The following TYR variants were observed in gnomAD, a reference collection of about 807,000 sequenced individuals.
TYR encodes LB24-AB.
In TYR, 58 loss-of-function variants were observed where a neutral mutation model predicts 51.5. That is an observed-to-expected ratio of 1.13 (90% CI 0.91 to 1.40). The LOEUF (loss-of-function observed/expected upper bound fraction) is 1.40, where lower values mean the gene tolerates loss of function less well. TYR is among the 40% of genes most tolerant of loss of function. The pLI is 0.00. For missense variants in TYR, 732 were observed against 647.4 expected (o/e 1.13, Z -1.42); for synonymous variants, 263 against 235.2 (o/e 1.12, Z -1.08).
At chr11:89,295,034 G>A in intron 4 of TYR, 109 bp from the exon 5 acceptor site, 2 of 1,530,824 alleles carry the variant, frequency 1.3e-6, no homozygotes, top group Middle Eastern at 2.3e-4. Context: ...TAGTAGAGCT[G>A]GCCTTCAAAC....
intron 3 of TYR, among the ~76,000 whole-genome samples, chr11:89,248,666 T>G (rs1013194902): frequency 3.9e-5 from 6 of 152,190 alleles, no homozygotes; most frequent in African/African-American, 1.4e-4. Flanking sequence ...GTTTAAATTA[T>G]TTTAATCCAG....
chr11:89,215,503 A>G (rs1343134572), intron 2 of TYR, among the ~76,000 whole-genome samples: 1 of 150,784 alleles, frequency 6.6e-6, no homozygotes, highest in African/African-American at 2.5e-5. Flanking sequence ...CATCTACCCT[A>G]GAACTTAAAG....
At chr11:89,276,139 C>T (rs1366681393) in intron 3 of TYR, among the ~76,000 whole-genome samples, 8 of 151,806 alleles carry the variant, frequency 5.3e-5, no homozygotes, top group Non-Finnish European at 1.0e-4. Context: ...CATTGATATT[C>T]CTCCAATGTA....
chr11:89,273,272 C>T (rs961154384), intron 3 of TYR, among the ~76,000 whole-genome samples: 11 of 151,882 alleles, frequency 7.2e-5, no homozygotes, highest in African/African-American at 1.7e-4. Flanking sequence ...TTCAATTGAA[C>T]ATTTATAGGC....
intron 2 of TYR, among the ~76,000 whole-genome samples, chr11:89,199,472 T>G (rs1943569087): frequency 6.6e-6 from 1 of 152,168 alleles, no homozygotes; most frequent in Non-Finnish European, 1.5e-5. Flanking sequence ...CTTAGGAAGA[T>G]TCACTGGAAA....
intron 2 of TYR, among the ~76,000 whole-genome samples, chr11:89,222,527 T>G (rs190068073): frequency 2.4e-4 from 36 of 152,204 alleles, no homozygotes; most frequent in Non-Finnish European, 4.0e-4. Context: ...TCACCTGAGG[T>G]CAGTAGTTTG....
chr11:89,247,099 C>T (rs557494150), intron 3 of TYR, among the ~76,000 whole-genome samples: 4 of 152,256 alleles, frequency 2.6e-5, no homozygotes, highest in African/African-American at 9.6e-5. Context: ...AGCGGTTATA[C>T]CATTATAGTC....
In TYR at chr11:89,178,500, G is replaced by A. The variant is rs141930049; in HGVS notation, c.547G>A (p.Val183Met). 1.6e-5 allele frequency: 26 copies of A among 1,614,158 alleles called. No homozygotes were observed. The highest frequency in any genetic ancestry group is 2.1e-5 in the Non-Finnish European group (25 of 1,180,032). Residue 183 changes from valine (V) to methionine (M), a missense_variant, in exon 1 of 5, where the codon GTG becomes ATG. Transcript: ENST00000263321. ...YDLFVWMHYY[V>M]SMDALLGGSE... ...CCTCTTTGTCTGGATGCATTATTATGTGTCAATGGATGCACTGCTTGGGGG... is the reference window on the plus strand; with the variant it reads ...CCTCTTTGTCTGGATGCATTATTATATGTCAATGGATGCACTGCTTGGGGG...
intron 4 of TYR, chr11:89,293,827 CT>C: frequency 7.7e-6 from 2 of 258,398 alleles, no homozygotes; most frequent in Non-Finnish European, 8.1e-6. Context: ...ATATTTGCCG[CT>C]TTTGCCAGCA....
intron 2 of TYR, among the ~76,000 whole-genome samples, chr11:89,202,183 C>T (rs980293254): frequency 4.6e-5 from 7 of 151,624 alleles, no homozygotes; most frequent in Non-Finnish European, 8.8e-5. Flanking sequence ...GAGCACACAC[C>T]CACACACTTA....
rs200512107 is a variant in TYR at position 89,295,431 on chromosome 11, G to A, written c.*65G>A. ...CACTCTAACTCAAAGTAATGTCCAGGTTCCCAGAGAATATCTGCTGGTATT... is the reference window on the plus strand; with the variant it reads ...CACTCTAACTCAAAGTAATGTCCAGATTCCCAGAGAATATCTGCTGGTATT... On this transcript the variant is annotated 3_prime_UTR_variant, in exon 5 of 5. Transcript: ENST00000263321. The A allele has an allele frequency of 1.0e-5, 16 of 1,544,428 alleles. No homozygotes were observed. The highest frequency in any genetic ancestry group is 2.3e-5 in the South Asian group (2 of 86,712).
At chr11:89,206,299 T>A (rs568866327) in intron 2 of TYR, among the ~76,000 whole-genome samples, 1 of 152,214 alleles carries the variant, frequency 6.6e-6, no homozygotes, top group South Asian at 2.1e-4. Context: ...AGTTAAAGGA[T>A]GGAAAAAATC....
chr11:89,272,191 G>A (rs1470531264), intron 3 of TYR, among the ~76,000 whole-genome samples: 3 of 151,866 alleles, frequency 2.0e-5, no homozygotes, highest in Non-Finnish European at 4.4e-5. Flanking sequence ...AAATTCATCA[G>A]AGGAATCACT....
chr11:89,189,430 G>A (rs555567648), intron 1 of TYR, among the ~76,000 whole-genome samples: 8 of 149,624 alleles, frequency 5.3e-5, no homozygotes, highest in South Asian at 4.2e-4. Context: ...AATCAACCAC[G>A]AGTATTGTAC....
chr11:89,291,693 A>C (rs1205774636), intron 4 of TYR, among the ~76,000 whole-genome samples: 1 of 151,996 alleles, frequency 6.6e-6, no homozygotes, highest in African/African-American at 2.4e-5. Context: ...AGAGTGCTGC[A>C]AGTCTTATAA....
intron 1 of TYR, among the ~76,000 whole-genome samples, chr11:89,184,022 G>A (rs1943334828): frequency 6.6e-6 from 1 of 151,980 alleles, no homozygotes; most frequent in South Asian, 2.1e-4. Context: ...TAACTAATAG[G>A]GTCAGTATTG....
chr11:89,222,716 G>C (rs1319782908), intron 2 of TYR, among the ~76,000 whole-genome samples: 1 of 152,016 alleles, frequency 6.6e-6, no homozygotes, highest in Non-Finnish European at 1.5e-5. Flanking sequence ...TCCAGCCTGG[G>C]CAACAGAGTG....
intron 3 of TYR, among the ~76,000 whole-genome samples, chr11:89,278,087 A>T (rs16913095): frequency 6.6e-6 from 1 of 151,592 alleles, no homozygotes; most frequent in Admixed American, 6.6e-5. Context: ...TCAATTTTTA[A>T]TTCCTTGAAT....
chr11:89,278,260 C>T (rs1266754491), intron 3 of TYR, among the ~76,000 whole-genome samples: 4 of 151,620 alleles, frequency 2.6e-5, no homozygotes, highest in Admixed American at 2.0e-4. Context: ...CCATTAAATC[C>T]TGTTACCATG....
Sources: allele counts gnomAD v4.1 joint callset (sites outside exome capture counted in the v4.1 genomes callset), GRCh38; gene constraint gnomAD v4.1.1; transcripts MANE v1.5; gene names NCBI Gene and HGNC (gene_info 2026-07-23, HGNC 2026-07-21).